Variants in MYO3B observed in about 807,000 individuals in gnomAD.
MYO3B encodes the protein myosin-IIIb.
Under a neutral mutation model 174.6 loss-of-function variants are expected in MYO3B, and 156 were observed. That is an observed-to-expected ratio of 0.89 (90% CI 0.78 to 1.02). The LOEUF (loss-of-function observed/expected upper bound fraction) is 1.02, where lower values mean the gene tolerates loss of function less well. MYO3B is among the 50% of genes least tolerant of loss of function. MYO3B has a pLI of 0.00. For missense variants in MYO3B, 1,632 were observed against 1,639.4 expected, an observed-to-expected ratio of 1.00 and a Z score of 0.08; for synonymous variants, 563 against 569.1, an observed-to-expected ratio of 0.99 and a Z score of 0.15.
chr2:170,227,128 G>A (rs2092959974), intron 6 of MYO3B, among the ~76,000 whole-genome samples: 1 of 152,172 alleles, frequency 6.6e-6, no homozygotes, highest in Non-Finnish European at 1.5e-5. Flanking sequence ...TTGCCTGATG[G>A]CCACTGAGCC....
chr2:170,648,931 ATG>A (rs1425195004), intron 32 of MYO3B, among the ~76,000 whole-genome samples: 1 of 74,374 alleles, frequency 1.3e-5, no homozygotes, highest in Non-Finnish European at 2.5e-5. Context: ...TATATAAAAT[ATG>A]ATATATAATA....
chr2:170,458,169 C>T (rs11674177), intron 23 of MYO3B, among the ~76,000 whole-genome samples: 44 of 152,224 alleles, frequency 2.9e-4, no homozygotes, highest in Non-Finnish European at 5.9e-4. Flanking sequence ...ATATGATTGG[C>T]AGCGCAGGTT....
chr2:170,266,313 T>C (rs2093383010), intron 7 of MYO3B, among the ~76,000 whole-genome samples: 1 of 152,160 alleles, frequency 6.6e-6, no homozygotes, highest in Admixed American at 6.5e-5. Context: ...AGTTCTAAAC[T>C]CAACAAAACA....
chr2:170,477,740 A>T (rs996672192), intron 25 of MYO3B, among the ~76,000 whole-genome samples: 1 of 150,902 alleles, frequency 6.6e-6, no homozygotes, highest in East Asian at 1.9e-4. Flanking sequence ...CAGTTGTGAC[A>T]GTCAAAAGTA....
intron 7 of MYO3B, among the ~76,000 whole-genome samples, chr2:170,262,572 A>G (rs1168278125): frequency 6.6e-6 from 1 of 152,176 alleles, no homozygotes. Flanking sequence ...ACAATGAAGT[A>G]AGAGTTGGCC....
intron 7 of MYO3B, among the ~76,000 whole-genome samples, chr2:170,329,463 C>G (rs113254442): frequency 0.034 from 5,113 of 151,628 alleles, 299 homozygotes; most frequent in African/African-American, 0.12. Context: ...TCACTGCAAT[C>G]TCCACCTCAC....
chr2:170,491,936 C>A (rs1313893670), intron 25 of MYO3B, among the ~76,000 whole-genome samples: 1 of 152,116 alleles, frequency 6.6e-6, no homozygotes, highest in Non-Finnish European at 1.5e-5. Context: ...TGCCTGCAAT[C>A]CCAGCTACTC....
Position 170,199,205 on chromosome 2 carries a change from C to G in MYO3B, c.3-3C>G, listed in dbSNP as rs1255782226. The G allele has an allele frequency of 6.3e-6, 10 of 1,583,612 alleles. No homozygotes were observed. Among genetic ancestry groups the G allele is most frequent in the Non-Finnish European group, 3.4e-6 (4 of 1,164,458 alleles). ...GCACATAACAAATTTTTCCCCCAAC[C>G]AGGAAACATCTGTATGGATTATTTC... is the stretch of plus-strand genomic sequence containing the variant. On this transcript the variant is annotated splice_polypyrimidine_tract_variant and splice_region_variant and intron_variant, in intron 1 of 34. Transcript: ENST00000408978.
At chr2:170,513,163 A>G (rs73975679) in intron 28 of MYO3B, among the ~76,000 whole-genome samples, 4,466 of 152,200 alleles carry the variant, frequency 0.029, 238 homozygotes, top group African/African-American at 0.1. Flanking sequence ...TTCTAATTTC[A>G]GTACTTAACA....
chr2:170,630,982 A>C (rs1379201032), intron 32 of MYO3B, among the ~76,000 whole-genome samples: 1 of 152,212 alleles, frequency 6.6e-6, no homozygotes, highest in African/African-American at 2.4e-5. Context: ...AAATTCTAAA[A>C]ACCAGAGTGC....
At chr2:170,635,813 A>C (rs1697416540) in intron 32 of MYO3B, among the ~76,000 whole-genome samples, 1 of 152,210 alleles carries the variant, frequency 6.6e-6, no homozygotes, top group Non-Finnish European at 1.5e-5. Context: ...AAAGGTCTAA[A>C]AAAGAGAAAG....
chr2:170,441,019 C>A (rs2094797053), intron 22 of MYO3B, among the ~76,000 whole-genome samples: 1 of 152,002 alleles, frequency 6.6e-6, no homozygotes, highest in Non-Finnish European at 1.5e-5. Flanking sequence ...CCTGGCTGGT[C>A]TCCAACTCCT....
chr2:170,238,661 C>G (rs1390411244), intron 7 of MYO3B, among the ~76,000 whole-genome samples: 6 of 151,926 alleles, frequency 3.9e-5, no homozygotes, highest in Non-Finnish European at 8.8e-5. Flanking sequence ...AAAATAAAAC[C>G]TTGATGGAGT....
chr2:170,477,809 A>G (rs1382065640), intron 25 of MYO3B, among the ~76,000 whole-genome samples: 1 of 151,712 alleles, frequency 6.6e-6, no homozygotes, highest in Non-Finnish European at 1.5e-5. Flanking sequence ...CAAGATGAGA[A>G]CCACTGGTGA....
Position 170,566,122 on chromosome 2 carries a change from G to GA in MYO3B, c.3733+22138dup, listed in dbSNP as rs1321714332. On this transcript the variant is annotated intron_variant, in intron 32 of 34. Transcript: ENST00000408978. ...TAAAATATACTTGGATTTTAAAGATGAAAACATGCTGAATTAGAAACTTCT... is the reference window on the plus strand; with the variant it reads ...TAAAATATACTTGGATTTTAAAGATGAAAAACATGCTGAATTAGAAACTTCT... Among the ~76,000 whole-genome samples, 12 of 152,260 alleles carry GA rather than the reference G, an allele frequency of 7.9e-5. 1 individual carries two copies. Among genetic ancestry groups the GA allele is most frequent in the Admixed American group, 7.8e-4 (12 of 15,294 alleles).
At chr2:170,601,645 A>C (rs2106343501) in intron 32 of MYO3B, 1 of 1,315,346 alleles carries the variant, frequency 7.6e-7, no homozygotes, top group Non-Finnish European at 1.1e-6. Context: ...TCCTCCTCAT[A>C]ATCCTCTTCA....
chr2:170,261,929 G>GTA (rs1458900697), intron 7 of MYO3B, among the ~76,000 whole-genome samples: 1 of 152,184 alleles, frequency 6.6e-6, no homozygotes, highest in African/African-American at 2.4e-5. Flanking sequence ...ATATGTGTGT[G>GTA]TATATATATG....
chr2:170,619,185 G>A (rs1408143652), intron 32 of MYO3B, among the ~76,000 whole-genome samples: 1 of 152,000 alleles, frequency 6.6e-6, no homozygotes, highest in Non-Finnish European at 1.5e-5. Flanking sequence ...TCCGTTTATA[G>A]GCTCTCCACA....
chr2:170,197,392 A>G (rs1477956691), intron 1 of MYO3B, among the ~76,000 whole-genome samples: 1 of 152,158 alleles, frequency 6.6e-6, no homozygotes, highest in Non-Finnish European at 1.5e-5. Flanking sequence ...AGATTTTTCA[A>G]TATTTTGTTC....
Sources: allele counts gnomAD v4.1 joint callset (sites outside exome capture counted in the v4.1 genomes callset), GRCh38; gene constraint gnomAD v4.1.1; transcripts MANE v1.5; gene names NCBI Gene and HGNC (gene_info 2026-07-23, HGNC 2026-07-21).